HSPA4L: variants seen among roughly 807,000 people sequenced by gnomAD.
HSPA4L encodes heat shock 70 kDa protein 4L.
HSPA4L carries 48 observed loss-of-function variants against 100.3 expected under a neutral mutation model. The ratio of observed to expected loss-of-function variants is 0.48; its 90% CI spans 0.38 to 0.61. The LOEUF (loss-of-function observed/expected upper bound fraction) is 0.61, where lower values mean the gene tolerates loss of function less well. Ranked by LOEUF, HSPA4L falls within the 20% of genes least tolerant of loss-of-function variation. The pLI is 0.00. For missense variants in HSPA4L, 886 were observed against 988.6 expected (o/e 0.90, Z 1.39); for synonymous variants, 319 against 328.2 (o/e 0.97, Z 0.30).
rs1215945769 is a variant in HSPA4L at position 127,808,028 on chromosome 4, C to G, written c.1277C>G (p.Ala426Gly). The G allele has an allele frequency of 1.2e-6, 2 of 1,612,448 alleles. No homozygotes were observed. The highest frequency in any genetic ancestry group is 1.7e-6 in the Non-Finnish European group (2 of 1,179,170). Reference sequence around the variant, plus strand: ...GAAGTTTTCTGTAAGAACCATCCTGCCCCATTCTCAAAAGTCATTACTTTC... The same window carrying G: ...GAAGTTTTCTGTAAGAACCATCCTGGCCCATTCTCAAAAGTCATTACTTTC... ...ECEVFCKNHP[A>G]PFSKVITFHK... Residue 426 changes from alanine to glycine, a missense_variant, in exon 11 of 19, where the codon GCC (alanine) becomes GGC (glycine). Physicochemically the swap from Ala to Gly is moderately conservative, Grantham distance 60 (BLOSUM62 0). Coordinates refer to ENST00000296464, the MANE Select transcript of HSPA4L (RefSeq NM_014278.4).
In HSPA4L at chr4:127,805,729, A is replaced by G. The variant is rs766274911; in HGVS notation, c.1180A>G (p.Ile394Val). 11 of 1,612,874 alleles carry G rather than the reference A, an allele frequency of 6.8e-6. No individual in the cohort carries two copies. Among genetic ancestry groups the G allele is most frequent in the African/African-American group, 1.3e-5 (1 of 75,008 alleles). The change falls in exon 10 of 19, where the codon ATA (isoleucine) becomes GTA (valine). Residue 394 changes from isoleucine to valine, a missense_variant. By Grantham distance (29) the Ile-to-Val change is conservative. Coordinates refer to ENST00000296464, the MANE Select transcript of HSPA4L (RefSeq NM_014278.4). ...AGCATTTAAAGTGCGTGAATTTTCC[A>G]TAACAGACCTTGTTCCCTATTCAAT... is the stretch of plus-strand genomic sequence containing the variant. ...SPAFKVREFSITDLVPYSITL... is the reference protein window; with the variant it reads ...SPAFKVREFSVTDLVPYSITL...
At chr4:127,800,503 A>G (rs574252026) in intron 4 of HSPA4L, among the ~76,000 whole-genome samples, 1 of 152,262 alleles carries the variant, frequency 6.6e-6, no homozygotes, top group Admixed American at 6.5e-5. Flanking sequence ...ATATATATGT[A>G]TGTGTGTATG....
chr4:127,809,426 T>C, intron 11 of HSPA4L: 1 of 1,248,768 alleles, frequency 8.0e-7, no homozygotes, highest in Non-Finnish European at 1.2e-6. Flanking sequence ...CTCAAGACTC[T>C]GCATTTGGGA....
chr4:127,807,799 T>C (rs574059994), intron 10 of HSPA4L, among the ~76,000 whole-genome samples, 197 bp from the exon 11 acceptor site: 4 of 152,172 alleles, frequency 2.6e-5, no homozygotes, highest in South Asian at 2.1e-4. Context: ...GTTATTATGA[T>C]AGACATTATG....
Position 127,836,690 on chromosome 4 carries a change from T to C in HSPA4L, c.*3816T>C, listed in dbSNP as rs1398237054. On this transcript the variant is annotated 3_prime_UTR_variant, in exon 19 of 19. Coordinates refer to ENST00000296464, the MANE Select transcript of HSPA4L (RefSeq NM_014278.4). ...AAAAATCTATATTTATTAAAGGTAG[T>C]AGACATTTGAATATAGTAATCAAAT... The C allele has an allele frequency of 6.6e-6, 1 of 152,066 alleles. No homozygotes were observed. Among genetic ancestry groups the C allele is most frequent in the Non-Finnish European group, 1.5e-5 (1 of 68,014 alleles). 9.4% of individuals were successfully genotyped at this position (152,066 alleles called of 1,614,324 possible).
chr4:127,807,498 G>A (rs923436115), intron 10 of HSPA4L, among the ~76,000 whole-genome samples: 2 of 152,064 alleles, frequency 1.3e-5, no homozygotes, highest in Non-Finnish European at 2.9e-5. Context: ...GAAAGTGTGT[G>A]CACTCAGATG....
chr4:127,789,924 G>T (rs750435627), intron 1 of HSPA4L, among the ~76,000 whole-genome samples: 1 of 152,122 alleles, frequency 6.6e-6, no homozygotes, highest in Non-Finnish European at 1.5e-5. Flanking sequence ...TTTCATGATT[G>T]TAACATCCTG....
intron 1 of HSPA4L, among the ~76,000 whole-genome samples, chr4:127,789,202 G>T (rs963368859): frequency 6.6e-6 from 1 of 152,136 alleles, no homozygotes; most frequent in African/African-American, 2.4e-5. Context: ...GTAGCATCTT[G>T]TCATCTGATT....
At chr4:127,818,964 A>G (rs138187347) in intron 13 of HSPA4L, among the ~76,000 whole-genome samples, 1 of 152,198 alleles carries the variant, frequency 6.6e-6, no homozygotes, top group Admixed American at 6.5e-5. Flanking sequence ...TTAATTCATT[A>G]TTTCTCATGT....
Position 127,840,407 on chromosome 4 carries a change from G to A in HSPA4L, c.*7533G>A, listed in dbSNP as rs1734339827. ...CAGCAACCACTGAAATGCAGAAAAT[G>A]GTAATCAAGTGTGATGTTTCTATAA... On this transcript the variant is annotated 3_prime_UTR_variant, in exon 19 of 19. Coordinates refer to ENST00000296464, the MANE Select transcript of HSPA4L (RefSeq NM_014278.4). 6.6e-6 allele frequency: 1 copy of A among 152,114 alleles called. No homozygotes were observed. Among genetic ancestry groups the A allele is most frequent in the Non-Finnish European group, 1.5e-5 (1 of 68,030 alleles). The allele number at this position is 152,114 out of a possible 1,614,324, so 9.4% of individuals were successfully genotyped here.
At chr4:127,825,926 CAAAAAA>C (rs78623521) in intron 16 of HSPA4L, among the ~76,000 whole-genome samples, 692 of 57,248 alleles carry the variant, frequency 0.012, 3 homozygotes, top group Non-Finnish European at 0.02. Flanking sequence ...AACTCCATCT[CAAAAAA>C]AAAAAAAAAA....
rs1578732327 is a variant in HSPA4L, at chr4:127,839,755, G to C, written c.*6881G>C. ...TAGGTAAAGGAAGCTTTAAAATGTT[G>C]TATTTTTTCCCTGAAATAAACTTTT... On this transcript the variant is annotated 3_prime_UTR_variant, in exon 19 of 19. Coordinates refer to ENST00000296464, the MANE Select transcript of HSPA4L (RefSeq NM_014278.4). The C allele has an allele frequency of 6.6e-6, 1 of 151,616 alleles. No individual in the cohort carries two copies. Among genetic ancestry groups the C allele is most frequent in the African/African-American group, 2.4e-5 (1 of 41,286 alleles). 9.4% of individuals were successfully genotyped at this position (151,616 alleles called of 1,614,324 possible). A position where few individuals can be genotyped will look rare whatever the true frequency, so the allele number is the denominator to read the frequency against.
rs765735851 is a variant in HSPA4L, at chr4:127,827,340, G to C, written c.2082G>C (p.Glu694Asp). The C allele has an allele frequency of 6.2e-7, 1 of 1,613,606 alleles. No homozygotes were observed. The highest frequency in any genetic ancestry group is 1.1e-5 in the South Asian group (1 of 91,054). ...AGCCTATTCAAATGAAGTACATGGAGCATGAAGAGAGACCAAAAGCCTTAA... is the reference window on the plus strand; with the variant it reads ...AGCCTATTCAAATGAAGTACATGGACCATGAAGAGAGACCAAAAGCCTTAA... ...YGQPIQMKYM[E>D]HEERPKALND... Residue 694 changes from glutamate to aspartate, a missense_variant, in exon 17 of 19, where the codon GAG (glutamate) becomes GAC (aspartate). Glu to Asp is a conservative substitution (Grantham distance 45). Transcript: ENST00000296464.
intron 1 of HSPA4L, among the ~76,000 whole-genome samples, chr4:127,790,591 C>G (rs1732847466): frequency 6.6e-6 from 1 of 152,208 alleles, no homozygotes. Context: ...ATTTGACCAT[C>G]ACTTTTAACA....
intron 12 of HSPA4L, among the ~76,000 whole-genome samples, chr4:127,813,705 C>A (rs1733602440): frequency 6.6e-6 from 1 of 152,178 alleles, no homozygotes; most frequent in African/African-American, 2.4e-5. Context: ...TGCAGTGGCA[C>A]AATCTCGGCC....
chr4:127,832,543 A>G, intron 18 of HSPA4L, 140 bp from the exon 19 acceptor site: 3 of 684,288 alleles, frequency 4.4e-6, no homozygotes, highest in Non-Finnish European at 7.4e-6. Context: ...GCATTTGAAG[A>G]AAACAGTTGG....
chr4:127,809,108 T>C, intron 11 of HSPA4L: 1 of 630,216 alleles, frequency 1.6e-6, no homozygotes, highest in East Asian at 2.7e-5. Flanking sequence ...AGTTCTTGCA[T>C]CCCAGGTGAT....
chr4:127,801,701 T>TTA, intron 5 of HSPA4L, 84 bp from the exon 6 acceptor site: 1 of 1,119,568 alleles, frequency 8.9e-7, no homozygotes, highest in Non-Finnish European at 1.3e-6. Context: ...ATACTGCATA[T>TTA]TAAAGTACAG....
In HSPA4L at chr4:127,814,971, A is replaced by G. The variant is rs557517270; in HGVS notation, c.1578+3335A>G. Among the ~76,000 whole-genome samples the G allele has an allele frequency of 2.6e-5, 4 of 152,334 alleles. No individual in the cohort carries two copies. In the South Asian group the frequency reaches 6.2e-4, roughly 24 times the overall value. On this transcript the variant is annotated intron_variant, in intron 12 of 18. Transcript: ENST00000296464. ...AAGTAGTCTCCCCTTCCCCTCAAAA[A>G]AGTGAACCAATTCAAAGACTCTGGA...
Sources: allele counts gnomAD v4.1 joint callset (sites outside exome capture counted in the v4.1 genomes callset), GRCh38; gene constraint gnomAD v4.1.1; transcripts MANE v1.5; gene names NCBI Gene and HGNC (gene_info 2026-07-23, HGNC 2026-07-21).